TRPM3: variants seen among roughly 807,000 people sequenced by gnomAD.
The protein encoded by TRPM3 is transient receptor potential cation channel subfamily M member 3.
TRPM3 carries 77 observed loss-of-function variants against 181.2 expected under a neutral mutation model. That is an observed-to-expected ratio of 0.42 (90% CI 0.35 to 0.51). The LOEUF (loss-of-function observed/expected upper bound fraction) is 0.51. Among genes scored for constraint, TRPM3 ranks in the 20% least tolerant of loss-of-function variants. The probability of loss-of-function intolerance (pLI) is 0.01; values close to 1 mark genes in which losing one functional copy is unlikely to be tolerated. For synonymous variants in TRPM3, 745 were observed against 796.4 expected, an observed-to-expected ratio of 0.94 and a Z score of 1.09; for missense variants, 1,759 against 2,196.7, an observed-to-expected ratio of 0.80 and a Z score of 3.98.
intron 1 of TRPM3, among the ~76,000 whole-genome samples, chr9:71,432,443 T>C (rs2093972112): frequency 6.6e-6 from 1 of 151,782 alleles, no homozygotes; most frequent in Admixed American, 6.6e-5. Context: ...TTTTAGTTAC[T>C]GTTACCAGTG....
At chr9:70,752,374 C>T (rs1217865841) in intron 8 of TRPM3, among the ~76,000 whole-genome samples, 1 of 152,090 alleles carries the variant, frequency 6.6e-6, no homozygotes, top group Non-Finnish European at 1.5e-5. Context: ...TGGATCTCCA[C>T]TTCATATCAT....
chr9:70,793,473 TATATATATATATATATATAAAACAC>T (rs2086122808), intron 6 of TRPM3: 1 of 121,764 alleles, frequency 8.2e-6, no homozygotes, highest in Non-Finnish European at 1.7e-5. Flanking sequence ...AAAAAAAATA[TATATATATATATATATATAAAACAC>T]ATATGTATAT....
intron 1 of TRPM3, among the ~76,000 whole-genome samples, chr9:71,061,700 T>C (rs889880247): frequency 4.6e-5 from 7 of 152,072 alleles, no homozygotes; most frequent in African/African-American, 2.4e-5. Context: ...CCATACCTCA[T>C]TGCTGGAGCA....
At chr9:70,700,739 G>C (rs1234421402) in intron 8 of TRPM3, among the ~76,000 whole-genome samples, 3 of 152,218 alleles carry the variant, frequency 2.0e-5, no homozygotes, top group African/African-American at 7.2e-5. Context: ...AGTGAAACTG[G>C]AGAGAAGTTT....
intron 1 of TRPM3, among the ~76,000 whole-genome samples, chr9:70,947,084 A>G (rs1564821584): frequency 6.6e-6 from 1 of 152,222 alleles, no homozygotes; most frequent in Non-Finnish European, 1.5e-5. Flanking sequence ...TATACCTATG[A>G]GTGAAATTTC....
intron 20 of TRPM3, among the ~76,000 whole-genome samples, chr9:70,599,500 C>A (rs1185788193): frequency 2.2e-4 from 34 of 152,200 alleles, no homozygotes; most frequent in Admixed American, 2.2e-3. Flanking sequence ...ATCCAAACTC[C>A]TTATGGTCGC....
chr9:71,193,581 T>G (rs2078162892), intron 1 of TRPM3, among the ~76,000 whole-genome samples: 1 of 151,926 alleles, frequency 6.6e-6, no homozygotes, highest in Non-Finnish European at 1.5e-5. Context: ...CAACTTTCTA[T>G]TAATCTCCGA....
chr9:71,259,415 G>A (rs910657786), intron 1 of TRPM3, among the ~76,000 whole-genome samples: 2 of 152,154 alleles, frequency 1.3e-5, no homozygotes, highest in Non-Finnish European at 2.9e-5. Flanking sequence ...CCAGTAATGG[G>A]ATTGCTGGGT....
At chr9:70,908,146 A>T (rs2096492270) in intron 1 of TRPM3, among the ~76,000 whole-genome samples, 1 of 152,228 alleles carries the variant, frequency 6.6e-6, no homozygotes, top group Admixed American at 6.5e-5. Flanking sequence ...AGACATACAC[A>T]TAAATCAATG....
chr9:71,058,242 G>T (rs2060893422), intron 1 of TRPM3, among the ~76,000 whole-genome samples: 1 of 152,004 alleles, frequency 6.6e-6, no homozygotes, highest in Non-Finnish European at 1.5e-5. Flanking sequence ...TGGATATAAG[G>T]TTGCATACTA....
chr9:71,238,795 C>T (rs540462478), intron 1 of TRPM3, among the ~76,000 whole-genome samples: 1 of 152,260 alleles, frequency 6.6e-6, no homozygotes, highest in African/African-American at 2.4e-5. Context: ...ATACAAGCAA[C>T]CATCTACCCT....
chr9:71,264,340 G>A (rs2083249882), intron 1 of TRPM3, among the ~76,000 whole-genome samples: 1 of 152,080 alleles, frequency 6.6e-6, no homozygotes, highest in African/African-American at 2.4e-5. Flanking sequence ...CCTCCCATCT[G>A]TACTATCTGA....
intron 1 of TRPM3, among the ~76,000 whole-genome samples, chr9:71,251,177 C>T (rs1281109400): frequency 6.6e-6 from 1 of 152,160 alleles, no homozygotes; most frequent in Non-Finnish European, 1.5e-5. Flanking sequence ...CTACCAGCTT[C>T]ATTAATATTG....
intron 1 of TRPM3, among the ~76,000 whole-genome samples, chr9:70,962,057 G>A (rs2097141388): frequency 6.6e-6 from 1 of 152,058 alleles, no homozygotes; most frequent in Admixed American, 6.6e-5. Flanking sequence ...ACTAGAGAAG[G>A]CACTAAAATT....
intron 5 of TRPM3, among the ~76,000 whole-genome samples, chr9:70,838,856 A>C (rs1301584404): frequency 6.6e-6 from 1 of 152,176 alleles, no homozygotes; most frequent in Admixed American, 6.5e-5. Context: ...TGAGAAAAAA[A>C]GGGCTTGGTT....
chr9:70,864,846 T>C (rs773083701), intron 1 of TRPM3, among the ~76,000 whole-genome samples: 6 of 152,006 alleles, frequency 3.9e-5, no homozygotes, highest in Non-Finnish European at 7.4e-5. Flanking sequence ...GATAGAATAG[T>C]ATGTTTGTAA....
intron 1 of TRPM3, among the ~76,000 whole-genome samples, chr9:70,924,213 G>C (rs187571310): frequency 3.3e-5 from 5 of 152,074 alleles, no homozygotes; most frequent in Admixed American, 2.6e-4. Flanking sequence ...ACCCAACAAA[G>C]ACTTATATGG....
At chr9:70,996,268 G>T (rs1158910059) in intron 1 of TRPM3, among the ~76,000 whole-genome samples, 3 of 152,114 alleles carry the variant, frequency 2.0e-5, no homozygotes, top group East Asian at 3.8e-4. Flanking sequence ...GGCTCATTTT[G>T]CTCAGTTTAT....
chr9:71,267,782 TGTATATATCA>T (rs2083490721), intron 1 of TRPM3, among the ~76,000 whole-genome samples: 1 of 152,220 alleles, frequency 6.6e-6, no homozygotes, highest in Non-Finnish European at 1.5e-5. Flanking sequence ...ACAATGGCCT[TGTATATATCA>T]GTTTTGCTAA....
Sources: allele counts gnomAD v4.1 joint callset (sites outside exome capture counted in the v4.1 genomes callset), GRCh38; gene constraint gnomAD v4.1.1; transcripts MANE v1.5; gene names NCBI Gene and HGNC (gene_info 2026-07-23, HGNC 2026-07-21).